Variants in FMNL2 observed in about 807,000 individuals in gnomAD.
FMNL2 encodes the protein formin like 2.
In FMNL2, 51 loss-of-function variants were observed where a neutral mutation model predicts 130.2. That is an observed-to-expected ratio of 0.39 (90% CI 0.31 to 0.49). The LOEUF (loss-of-function observed/expected upper bound fraction) is 0.49. FMNL2 is among the 20% of genes least tolerant of loss of function. The probability of loss-of-function intolerance (pLI) is 0.85; values close to 1 mark genes in which losing one functional copy is unlikely to be tolerated. For synonymous variants in FMNL2, 465 were observed against 467.1 expected (o/e 1.00, Z 0.06); for missense variants, 977 against 1,316.2 (o/e 0.74, Z 3.99).
chr2:152,482,414 C>T (rs534303373), intron 1 of FMNL2, among the ~76,000 whole-genome samples: 1 of 152,290 alleles, frequency 6.6e-6, no homozygotes, highest in South Asian at 2.1e-4. Flanking sequence ...CAGCAAGACT[C>T]ATACTAGTAT....
intron 4 of FMNL2, among the ~76,000 whole-genome samples, chr2:152,550,489 A>T (rs1694874503): frequency 6.6e-6 from 1 of 152,270 alleles, no homozygotes; most frequent in Admixed American, 6.5e-5. Flanking sequence ...GATTAAAAGA[A>T]TTAAAGACCA....
intron 9 of FMNL2, among the ~76,000 whole-genome samples, chr2:152,602,968 G>A (rs1353834819): frequency 6.6e-6 from 1 of 152,228 alleles, no homozygotes; most frequent in Non-Finnish European, 1.5e-5. Flanking sequence ...TATGAACGAA[G>A]ACAACTTTCC....
intron 9 of FMNL2, among the ~76,000 whole-genome samples, chr2:152,597,725 C>G (rs1410447880): frequency 6.6e-6 from 1 of 152,156 alleles, no homozygotes; most frequent in Admixed American, 6.5e-5. Context: ...GCTGCCCTCA[C>G]AAACCTCATA....
intron 21 of FMNL2, among the ~76,000 whole-genome samples, chr2:152,635,326 T>C (rs1682500871): frequency 6.6e-6 from 1 of 152,178 alleles, no homozygotes. Flanking sequence ...TCGTGTCCTT[T>C]GCAAAACTTC....
rs530986891 is a variant in FMNL2, at chr2:152,358,622, G to A, written c.117+22902G>A. 2.1e-3 allele frequency among the ~76,000 whole-genome samples: 306 copies of A among 146,946 alleles called. 1 individual carries two copies. The highest frequency in any genetic ancestry group is 3.9e-3 in the Admixed American group (58 of 14,862). On this transcript the variant is annotated intron_variant, in intron 1 of 25. Transcript: ENST00000288670. Reference sequence around the variant, plus strand: ...GCCGAGATTGTGCCTGGGTGACAGAGCAAGACTGCATCTCAAAAAAAAAAA... The same window carrying A: ...GCCGAGATTGTGCCTGGGTGACAGAACAAGACTGCATCTCAAAAAAAAAAA...
chr2:152,506,131 G>T (rs1692156550), intron 1 of FMNL2, among the ~76,000 whole-genome samples: 2 of 152,180 alleles, frequency 1.3e-5, no homozygotes, highest in African/African-American at 4.8e-5. Context: ...AACCCCTAGG[G>T]AAATATCTCG....
In FMNL2 at chr2:152,575,338, G is replaced by C; in HGVS notation, c.705+94G>C. ...GCAGTGTACACCGCTTGGGCGAAGG[G>C]TACAATAAAAGCCCAGACTTCATCA... On this transcript the variant is annotated intron_variant, in intron 7 of 25. Transcript: ENST00000288670. 5.8e-6 allele frequency: 4 copies of C among 686,508 alleles called. No homozygotes were observed. The South Asian group carries it at 1.1e-4, about 19-fold the overall frequency. 42.5% of individuals were successfully genotyped at this position (686,508 alleles called of 1,614,324 possible).
intron 4 of FMNL2, 66 bp downstream of exon 4, chr2:152,549,163 T>G: frequency 8.6e-7 from 1 of 1,167,254 alleles, no homozygotes; most frequent in Non-Finnish European, 1.2e-6. Context: ...AACTGAATCA[T>G]ACCCAAAGAA....
intron 10 of FMNL2, among the ~76,000 whole-genome samples, chr2:152,609,229 A>G (rs992016735): frequency 2.0e-5 from 3 of 152,248 alleles, no homozygotes; most frequent in Non-Finnish European, 4.4e-5. Context: ...AGAGGCTGCT[A>G]TTACACAAGT....
chr2:152,625,278 G>T, intron 15 of FMNL2, 160 bp from the exon 16 acceptor site: 1 of 740,554 alleles, frequency 1.4e-6, no homozygotes, highest in Non-Finnish European at 2.1e-6. Context: ...TCTGGCCAAG[G>T]CCATGTGTGT....
intron 1 of FMNL2, among the ~76,000 whole-genome samples, chr2:152,452,205 C>A (rs1320894844): frequency 6.6e-6 from 1 of 152,138 alleles, no homozygotes; most frequent in Non-Finnish European, 1.5e-5. Context: ...CCCCGAAAGA[C>A]AGTTGAGGGA....
intron 13 of FMNL2, 51 bp downstream of exon 13, chr2:152,617,243 C>G: frequency 1.3e-6 from 2 of 1,529,768 alleles, no homozygotes; most frequent in Non-Finnish European, 1.8e-6. Context: ...GGAATGTACT[C>G]CAGCTTTCGT....
chr2:152,401,450 T>G (rs1285842837), intron 1 of FMNL2, among the ~76,000 whole-genome samples: 4 of 152,156 alleles, frequency 2.6e-5, no homozygotes, highest in African/African-American at 9.7e-5. Flanking sequence ...CATGAGTTAG[T>G]TGAGTTGAAT....
At chr2:152,590,676 G>A (rs982753539) in intron 9 of FMNL2, among the ~76,000 whole-genome samples, 1 of 151,818 alleles carries the variant, frequency 6.6e-6, no homozygotes, top group African/African-American at 2.4e-5. Flanking sequence ...TGCTGGATAT[G>A]TTAACCAGGA....
At chr2:152,404,782 T>C (rs187734936) in intron 1 of FMNL2, among the ~76,000 whole-genome samples, 1 of 152,298 alleles carries the variant, frequency 6.6e-6, no homozygotes, top group East Asian at 1.9e-4. Flanking sequence ...ATAAATTATA[T>C]GTATAAAATT....
intron 9 of FMNL2, among the ~76,000 whole-genome samples, chr2:152,597,118 T>C (rs1247028346): frequency 5.3e-5 from 8 of 152,248 alleles, no homozygotes; most frequent in Non-Finnish European, 4.4e-5. Context: ...ACCTCCAATC[T>C]CATTAGAAAA....
chr2:152,586,848 G>A (rs1697106934), intron 9 of FMNL2, among the ~76,000 whole-genome samples: 1 of 152,138 alleles, frequency 6.6e-6, no homozygotes, highest in Admixed American at 6.6e-5. Flanking sequence ...GGATACGAAA[G>A]TACCCCACAC....
chr2:152,422,808 G>A (rs1280379686), intron 1 of FMNL2, among the ~76,000 whole-genome samples: 1 of 152,174 alleles, frequency 6.6e-6, no homozygotes, highest in African/African-American at 2.4e-5. Context: ...GATTACAGGC[G>A]TGAGCCACCG....
At chr2:152,504,363 C>T (rs940488778) in intron 1 of FMNL2, among the ~76,000 whole-genome samples, 12 of 151,702 alleles carry the variant, frequency 7.9e-5, no homozygotes, top group Non-Finnish European at 1.3e-4. Flanking sequence ...TCTCCTGTCT[C>T]AGCCTCCTGA....
Sources: allele counts gnomAD v4.1 joint callset (sites outside exome capture counted in the v4.1 genomes callset), GRCh38; gene constraint gnomAD v4.1.1; transcripts MANE v1.5; gene names NCBI Gene and HGNC (gene_info 2026-07-23, HGNC 2026-07-21).